Variants in SLC25A36 observed in about 807,000 individuals in gnomAD.
SLC25A36 encodes epididymis secretory sperm binding protein.
A neutral mutation model predicts 35.3 loss-of-function variants in SLC25A36; 24 were observed. The observed-to-expected ratio is 0.68, with a 90% confidence interval of 0.49 to 0.96. The LOEUF is 0.96. Among genes scored for constraint, SLC25A36 ranks in the 40% least tolerant of loss-of-function variants. The pLI, the probability that SLC25A36 is intolerant of heterozygous loss-of-function variation, is 0.00. For missense variants in SLC25A36, 294 were observed against 381.1 expected (o/e 0.77, Z 1.90); for synonymous variants, 141 against 132.2 (o/e 1.07, Z -0.46).
chr3:140,958,860 T>C (rs1418895595), intron 2 of SLC25A36, among the ~76,000 whole-genome samples: 2 of 152,066 alleles, frequency 1.3e-5, no homozygotes, highest in African/African-American at 2.4e-5. Flanking sequence ...CATTGTGTCT[T>C]AATCTTTCAG....
At position 140,973,714 on chromosome 3, in the gene SLC25A36, A is replaced by T; in HGVS notation, c.453-2A>T. The T allele has an allele frequency of 6.9e-7, 1 of 1,447,694 alleles. No individual in the cohort carries two copies. The allele number at this position is 1,447,694 out of a possible 1,614,324, so 89.7% of individuals were successfully genotyped here. On this transcript the variant is annotated splice_acceptor_variant, in intron 5 of 6. Coordinates refer to ENST00000324194, the MANE Select transcript of SLC25A36 (RefSeq NM_001104647.3). LOFTEE classifies it high-confidence loss of function. ...AGTAAGATGTTTCTTTTTGCTTTTCAGGAACCGCGGGGAAAGGCGAATGGG... is the reference window on the plus strand; with the variant it reads ...AGTAAGATGTTTCTTTTTGCTTTTCTGGAACCGCGGGGAAAGGCGAATGGG...
chr3:140,968,071 G>T (rs1934808221), intron 4 of SLC25A36: 6 of 985,010 alleles, frequency 6.1e-6, no homozygotes, highest in Non-Finnish European at 7.2e-6. Context: ...TTTAGCTTGG[G>T]CTAACCTCAA....
chr3:140,954,519 T>G (rs888516843), intron 1 of SLC25A36, among the ~76,000 whole-genome samples: 3 of 152,274 alleles, frequency 2.0e-5, no homozygotes, highest in African/African-American at 7.2e-5. Flanking sequence ...GTGTAAGAGA[T>G]TTCCAGTTCA....
rs9289617 is a variant in SLC25A36 at position 140,971,521 on chromosome 3, G to A, written c.452+528G>A. Among the ~76,000 whole-genome samples, 987 of 152,262 alleles carry A rather than the reference G, an allele frequency of 6.5e-3. 4 individuals are homozygous for A. Among genetic ancestry groups the A allele is most frequent in the Non-Finnish European group, 0.01 (692 of 68,000 alleles). On this transcript the variant is annotated intron_variant, in intron 5 of 6. Transcript: ENST00000324194. ...AATCTATATTAGCAGATACTGCTAC[G>A]TCTTAGAGATGCACCAGGAAACAGT...
At chr3:140,972,398 T>C (rs1934928327) in intron 5 of SLC25A36, among the ~76,000 whole-genome samples, 1 of 152,060 alleles carries the variant, frequency 6.6e-6, no homozygotes, top group South Asian at 2.1e-4. Flanking sequence ...CAGTGGATCA[T>C]GCCTGTAATC....
chr3:140,971,826 G>T (rs1327116859), intron 5 of SLC25A36, among the ~76,000 whole-genome samples: 1 of 152,174 alleles, frequency 6.6e-6, no homozygotes, highest in African/African-American at 2.4e-5. Context: ...GTCTGGAGTA[G>T]GTTCTGTGTA....
At chr3:140,971,775 C>T (rs936501790) in intron 5 of SLC25A36, among the ~76,000 whole-genome samples, 11 of 152,156 alleles carry the variant, frequency 7.2e-5, no homozygotes, top group African/African-American at 2.7e-4. Flanking sequence ...TTATATGTTA[C>T]AATAATAATG....
intron 1 of SLC25A36, among the ~76,000 whole-genome samples, chr3:140,946,855 A>G (rs920263763): frequency 5.3e-5 from 8 of 152,186 alleles, no homozygotes; most frequent in Non-Finnish European, 8.8e-5. Context: ...CCTGGAGTCC[A>G]GGAAAGAGGA....
chr3:140,960,822 A>ATAAC (rs1028797782), intron 3 of SLC25A36, among the ~76,000 whole-genome samples: 2 of 152,240 alleles, frequency 1.3e-5, no homozygotes, highest in Admixed American at 6.5e-5. Context: ...AAAGGAACTA[A>ATAAC]TAACTAAAGG....
intron 5 of SLC25A36, among the ~76,000 whole-genome samples, chr3:140,971,884 T>C (rs1347432474): frequency 1.3e-5 from 2 of 152,246 alleles, no homozygotes; most frequent in Non-Finnish European, 2.9e-5. Flanking sequence ...GAAATAGTGT[T>C]ATGTCCTATA....
intron 6 of SLC25A36, 135 bp from the exon 7 acceptor site, chr3:140,976,125 A>G (rs1165030705): frequency 2.9e-5 from 17 of 587,012 alleles, no homozygotes; most frequent in Non-Finnish European, 4.3e-5. Context: ...ACTGGTTTCA[A>G]TAAGCTACAC....
At chr3:140,966,955 C>T (rs1343931761) in intron 4 of SLC25A36, 3 of 456,046 alleles carry the variant, frequency 6.6e-6, no homozygotes, top group African/African-American at 4.0e-5. Context: ...ACATTTCTCC[C>T]GAGAAAAGAG....
rs1935043853 is a variant in SLC25A36 at position 140,976,303 on chromosome 3, A to G, written c.786A>G (p.Arg262=). The G allele has an allele frequency of 1.2e-6, 2 of 1,612,532 alleles. No individual in the cohort carries two copies. The highest frequency in any genetic ancestry group is 1.1e-5 in the South Asian group (1 of 90,728). The change falls in exon 7 of 7, where the codon AGA becomes AGG. Residue 262 remains arginine, a synonymous_variant. Coordinates refer to ENST00000324194, the MANE Select transcript of SLC25A36 (RefSeq NM_001104647.3). ...TRLREEGTKY[R]SFFQTLSLLV... ...TACGTGAAGAGGGAACAAAATACAG[A>G]TCTTTTTTTCAGACTCTATCTTTGC...
rs1935116321 is a variant in SLC25A36 at position 140,978,754 on chromosome 3, T to G, written c.*2301T>G. On this transcript the variant is annotated 3_prime_UTR_variant, in exon 7 of 7. Transcript: ENST00000324194. ...CTAGAAAGGAGCAATGAAGTTTATT[T>G]CAGTTGTATTTTTCCCTAAGCACAA... 1 of 152,178 alleles carries G rather than the reference T, an allele frequency of 6.6e-6. No individual in the cohort carries two copies. The highest frequency in any genetic ancestry group is 1.5e-5 in the Non-Finnish European group (1 of 68,032). 9.4% of individuals were successfully genotyped at this position (152,178 alleles called of 1,614,324 possible). A position where few individuals can be genotyped will look rare whatever the true frequency, so the allele number is the denominator to read the frequency against.
At chr3:140,966,651 T>C in intron 4 of SLC25A36, 3 of 323,794 alleles carry the variant, frequency 9.3e-6, no homozygotes, top group South Asian at 7.9e-5. Flanking sequence ...TATTCCCTTT[T>C]GACAAGGTTA....
In SLC25A36 at chr3:140,960,317, C is replaced by A. The variant is rs984424226; in HGVS notation, c.284+777C>A. Among the ~76,000 whole-genome samples, 5 of 152,284 alleles carry A rather than the reference C, an allele frequency of 3.3e-5. No homozygotes were observed. In the South Asian group the frequency reaches 1.0e-3, roughly 32 times the overall value. ...TCTTGCATCTTGAAAAATTTTGACTCTAAGAAAGGTAAGCATTCTTTTAAA... is the reference window on the plus strand; with the variant it reads ...TCTTGCATCTTGAAAAATTTTGACTATAAGAAAGGTAAGCATTCTTTTAAA... On this transcript the variant is annotated intron_variant, in intron 3 of 6. Coordinates refer to ENST00000324194, the MANE Select transcript of SLC25A36 (RefSeq NM_001104647.3).
At chr3:140,964,560 T>A (rs1233547173) in intron 4 of SLC25A36, 1 of 151,892 alleles carries the variant, frequency 6.6e-6, no homozygotes, top group African/African-American at 2.4e-5. Flanking sequence ...TATTAGTAGA[T>A]AGGATTTTTC....
chr3:140,951,999 G>GT (rs1197640581), intron 1 of SLC25A36, among the ~76,000 whole-genome samples: 1 of 148,566 alleles, frequency 6.7e-6, no homozygotes, highest in African/African-American at 2.5e-5. Context: ...GCACCTGGCT[G>GT]TTTTTTCCTT....
At position 140,976,706 on chromosome 3, in the gene SLC25A36, T is replaced by C; in HGVS notation, c.*253T>C. 1 of 310,278 alleles carries C rather than the reference T, an allele frequency of 3.2e-6. No individual in the cohort carries two copies. The highest frequency in any genetic ancestry group is 5.9e-6 in the Non-Finnish European group (1 of 168,866). 19.2% of individuals were successfully genotyped at this position (310,278 alleles called of 1,614,324 possible). ...AGCACTCCTCTCTCAAAATTGCCAT[T>C]TTCTCTACCATGTCCCCCAGACACA... On this transcript the variant is annotated 3_prime_UTR_variant, in exon 7 of 7. Transcript: ENST00000324194.
Sources: gnomAD v4.1 joint callset for allele counts (sites outside exome capture counted in the v4.1 genomes callset) on GRCh38, gnomAD v4.1.1 for gene constraint, MANE v1.5 for transcripts, NCBI Gene and HGNC (gene_info 2026-07-23, HGNC 2026-07-21) for gene names.